CAMKK2: variants seen among roughly 807,000 people sequenced by gnomAD.
The protein encoded by CAMKK2 is calcium/calmodulin-dependent protein kinase kinase 2.
CAMKK2 carries 30 observed loss-of-function variants against 67.2 expected under a neutral mutation model. The ratio of observed to expected loss-of-function variants is 0.45; its 90% CI spans 0.33 to 0.61. CAMKK2 has a LOEUF of 0.61. Ranked by LOEUF, CAMKK2 falls within the 20% of genes least tolerant of loss-of-function variation. The pLI is 0.02. For synonymous variants in CAMKK2, 322 were observed against 326.2 expected, an observed-to-expected ratio of 0.99 and a Z score of 0.14; for missense variants, 643 against 802.0, an observed-to-expected ratio of 0.80 and a Z score of 2.39.
intron 9 of CAMKK2, among the ~76,000 whole-genome samples, chr12:121,254,789 C>T (rs11065508): frequency 6.6e-6 from 1 of 152,056 alleles, no homozygotes; most frequent in South Asian, 2.1e-4. Flanking sequence ...CTCTCTGCAG[C>T]TGGCCCTGAT....
intron 15 of CAMKK2, 140 bp from the exon 16 acceptor site, chr12:121,244,755 A>AGAGGTGTCCACTCATCTGC: frequency 3.0e-6 from 2 of 670,270 alleles, no homozygotes; most frequent in Non-Finnish European, 5.2e-6. Flanking sequence ...TTGACAGCAG[A>AGAGGTGTCCACTCATCTGC]TGAGTGGACA....
At position 121,245,272 on chromosome 12, in the gene CAMKK2, A is replaced by C. The variant is rs911438980; in HGVS notation, c.1453-32T>G. 7.0e-7 allele frequency: 1 copy of C among 1,428,114 alleles called. No homozygotes were observed. Among genetic ancestry groups the C allele is most frequent in the African/African-American group, 1.4e-5 (1 of 70,988 alleles). 88.5% of individuals were successfully genotyped at this position (1,428,114 alleles called of 1,614,324 possible). A position where few individuals can be genotyped will look rare whatever the true frequency, so the allele number is the denominator to read the frequency against. On this transcript the variant is annotated intron_variant, in intron 14 of 16. Transcript: ENST00000404169. The surrounding 1 kb of genome is among the most constrained non-coding windows in gnomAD (Gnocchi z 5.8). ...AGGGAGAAAAGAGGAGGTGGCAGGC[A>C]ACTGCTTGGCCATGTGGGGGCGATT...
At chr12:121,270,314 G>T (rs1158745909) in intron 3 of CAMKK2, among the ~76,000 whole-genome samples, 1 of 151,280 alleles carries the variant, frequency 6.6e-6, no homozygotes, top group African/African-American at 2.4e-5. Flanking sequence ...AGGTTGCAGT[G>T]AGCCGAGATT....
intron 1 of CAMKK2, among the ~76,000 whole-genome samples, chr12:121,288,734 C>T (rs1325324745): frequency 1.3e-5 from 2 of 152,118 alleles, no homozygotes; most frequent in Admixed American, 1.3e-4. Context: ...CTGACTCCCA[C>T]CCCCCTTTCC....
rs761769432 is a variant in CAMKK2, at chr12:121,248,645, G to A, written c.1413C>T (p.Val471=). Reference sequence around the variant, plus strand: ...TGGGAATGTGTTTGACTGAGTTCTCGACCTCCTCTTCAGTCACTTCGACCA... The same window carrying A: ...TGGGAATGTGTTTGACTGAGTTCTCAACCTCCTCTTCAGTCACTTCGACCA... ...CTLVEVTEEE[V]ENSVKHIPSL... Residue 471 remains valine, a synonymous_variant, in exon 14 of 17, where the codon GTC becomes GTT. Transcript: ENST00000404169. The A allele has an allele frequency of 1.7e-5, 28 of 1,614,070 alleles. No individual in the cohort carries two copies. Among genetic ancestry groups the A allele is most frequent in the Middle Eastern group, 1.6e-4 (1 of 6,084 alleles).
intron 5 of CAMKK2, 103 bp downstream of exon 5, chr12:121,268,535 C>T (rs1895092934): frequency 1.8e-6 from 2 of 1,083,456 alleles, no homozygotes; most frequent in South Asian, 1.3e-5. Context: ...GCTGGAACTA[C>T]AGGCATGTGG....
chr12:121,263,255 GGTTTGTTT>G (rs36166949), intron 6 of CAMKK2, among the ~76,000 whole-genome samples: 7 of 151,162 alleles, frequency 4.6e-5, no homozygotes, highest in African/African-American at 9.7e-5. Flanking sequence ...CCCTCTGTCT[GGTTTGTTT>G]GTTTGTTTGT....
At chr12:121,277,572 C>T (rs1897041778) in intron 1 of CAMKK2, among the ~76,000 whole-genome samples, 1 of 152,216 alleles carries the variant, frequency 6.6e-6, no homozygotes. Flanking sequence ...CTCTGACTCA[C>T]ACTACAACAC....
intron 5 of CAMKK2, among the ~76,000 whole-genome samples, chr12:121,264,473 T>C (rs1894105523): frequency 1.3e-5 from 2 of 151,458 alleles, no homozygotes; most frequent in South Asian, 4.2e-4. Flanking sequence ...CCTGACTCTA[T>C]AAAAATCACA....
At chr12:121,286,946 C>T (rs1490676123) in intron 1 of CAMKK2, among the ~76,000 whole-genome samples, 1 of 152,126 alleles carries the variant, frequency 6.6e-6, no homozygotes, top group East Asian at 1.9e-4. Context: ...CACTCTATTG[C>T]CCAGGCTGGA....
chr12:121,274,602 G>T lies in CAMKK2; in HGVS notation c.-59-17C>A, dbSNP rs892509359. 2 of 1,059,164 alleles carry T rather than the reference G, an allele frequency of 1.9e-6. No homozygotes were observed. Among genetic ancestry groups the T allele is most frequent in the South Asian group, 1.6e-5 (1 of 64,246 alleles). The allele number at this position is 1,059,164 out of a possible 1,614,324, so 65.6% of individuals were successfully genotyped here. ...CGGAGCCACCTGCAGAAAGAGAAAG[G>T]GTCAGCTGGCCCAGCTCCTACGGGC... On this transcript the variant is annotated splice_polypyrimidine_tract_variant and intron_variant, in intron 1 of 16. Coordinates refer to ENST00000404169, the MANE Select transcript of CAMKK2 (RefSeq NM_001270485.2).
chr12:121,287,199 C>T (rs1898919820), intron 1 of CAMKK2, among the ~76,000 whole-genome samples: 1 of 152,166 alleles, frequency 6.6e-6, no homozygotes, highest in Admixed American at 6.5e-5. Flanking sequence ...AGCCACTGTG[C>T]CTAGCTGGTT....
At chr12:121,266,034 G>A (rs747811263) in intron 5 of CAMKK2, among the ~76,000 whole-genome samples, 1 of 151,960 alleles carries the variant, frequency 6.6e-6, no homozygotes, top group African/African-American at 2.4e-5. Flanking sequence ...CAGGCTCAAG[G>A]GATCCTCCCG....
chr12:121,258,198 A>G (rs924649319), intron 7 of CAMKK2, among the ~76,000 whole-genome samples: 1 of 151,622 alleles, frequency 6.6e-6, no homozygotes, highest in African/African-American at 2.4e-5. Flanking sequence ...CTAATTTTGT[A>G]TTTTTAGCAG....
At chr12:121,272,703 A>T (rs1306033950) in intron 2 of CAMKK2, among the ~76,000 whole-genome samples, 2 of 37,240 alleles carry the variant, frequency 5.4e-5, no homozygotes, top group Non-Finnish European at 1.0e-4. Flanking sequence ...TCTCTACTTA[A>T]AAAAAAAAAA....
At chr12:121,247,816 C>T (rs926936908) in intron 14 of CAMKK2, among the ~76,000 whole-genome samples, 24 of 152,160 alleles carry the variant, frequency 1.6e-4, no homozygotes, top group African/African-American at 5.3e-4. Flanking sequence ...GCCTTTCCAG[C>T]CAGTCTCAAG....
Position 121,243,942 on chromosome 12 carries a change from G to C in CAMKK2, c.1596+631C>G, listed in dbSNP as rs75456247. The C allele has an allele frequency of 9.4e-5, 136 of 1,442,740 alleles. No individual in the cohort carries two copies. In the South Asian group the frequency reaches 1.9e-3, roughly 20 times the overall value. The allele number at this position is 1,442,740 out of a possible 1,614,324, so 89.4% of individuals were successfully genotyped here. The stretch of plus-strand genomic sequence containing the variant: ...CACCCACCACAGCACCTGCAGCAGG[G>C]GTGCCCAGCAGGTTCTCCCAGTCTC... On this transcript the variant is annotated intron_variant, in intron 16 of 16. Transcript: ENST00000404169.
chr12:121,287,561 T>C (rs946740853), intron 1 of CAMKK2, among the ~76,000 whole-genome samples: 17 of 152,314 alleles, frequency 1.1e-4, no homozygotes, highest in African/African-American at 3.8e-4. Flanking sequence ...GCAGTTCCCC[T>C]GTCTTGCTGC....
At position 121,296,468 on chromosome 12, in the gene CAMKK2, G is replaced by GGCGTGGGGAGGCGC. The variant is rs1901234903; in HGVS notation, c.-60+156_-60+169dup. Among the ~76,000 whole-genome samples, 1 of 152,150 alleles carries GGCGTGGGGAGGCGC rather than the reference G, an allele frequency of 6.6e-6. No individual in the cohort carries two copies. Among genetic ancestry groups the GGCGTGGGGAGGCGC allele is most frequent in the Non-Finnish European group, 1.5e-5 (1 of 68,002 alleles). ...GGGACCGTGTCCCTCCACGTGGCGG[G>GGCGTGGGGAGGCGC]GCGTGGGGAGGCGCACGTGGGGTCC... On this transcript the variant is annotated intron_variant, in intron 1 of 16. Transcript: ENST00000404169. The surrounding 1 kb of genome is among the most constrained non-coding windows in gnomAD (Gnocchi z 7.1).
Sources: allele counts gnomAD v4.1 joint callset (sites outside exome capture counted in the v4.1 genomes callset), GRCh38; gene constraint gnomAD v4.1.1; non-coding constraint Gnocchi (gnomAD v3.1); transcripts MANE v1.5; gene names NCBI Gene and HGNC (gene_info 2026-07-23, HGNC 2026-07-21).